Variants in FHIP1A observed in about 807,000 individuals in gnomAD.
FHIP1A encodes FHF complex subunit HOOK interacting protein 1A.
Under a neutral mutation model 88.6 loss-of-function variants are expected in FHIP1A, and 61 were observed. The observed-to-expected ratio is 0.69, with a 90% CI of 0.56 to 0.85. The LOEUF is 0.85. FHIP1A is among the 40% of genes least tolerant of loss of function. The pLI, the probability that FHIP1A is intolerant of heterozygous loss-of-function variation, is 0.00. For synonymous variants in FHIP1A, 478 were observed against 496.0 expected (o/e 0.96, Z 0.48); for missense variants, 1,154 against 1,273.5 (o/e 0.91, Z 1.43).
At chr4:151,499,298 A>G (rs1730567205) in intron 3 of FHIP1A, among the ~76,000 whole-genome samples, 1 of 152,154 alleles carries the variant, frequency 6.6e-6, no homozygotes, top group African/African-American at 2.4e-5. Context: ...TGTTCTGTCT[A>G]TGTGACTTTG....
intron 1 of FHIP1A, among the ~76,000 whole-genome samples, chr4:151,411,042 C>T (rs140848045): frequency 6.6e-6 from 1 of 152,264 alleles, no homozygotes; most frequent in Non-Finnish European, 1.5e-5. Context: ...GTCCAACTGC[C>T]CAGCTACCTT....
intron 7 of FHIP1A, among the ~76,000 whole-genome samples, chr4:151,605,340 C>A (rs1313003065): frequency 6.6e-6 from 1 of 152,094 alleles, no homozygotes; most frequent in East Asian, 1.9e-4. Context: ...GTAGAGACAT[C>A]GAGGTGAATG....
chr4:151,605,987 T>G (rs548395825), intron 7 of FHIP1A, among the ~76,000 whole-genome samples: 1 of 152,304 alleles, frequency 6.6e-6, no homozygotes, highest in South Asian at 2.1e-4. Context: ...TAAGAGCAAT[T>G]AAGTACCATC....
chr4:151,601,577 G>C (rs184262407), intron 7 of FHIP1A, among the ~76,000 whole-genome samples: 1 of 149,650 alleles, frequency 6.7e-6, no homozygotes, highest in East Asian at 2.0e-4. Context: ...CCAATGTGAC[G>C]GGTAGAAATG....
At chr4:151,460,931 T>C (rs2126599296) in intron 2 of FHIP1A, among the ~76,000 whole-genome samples, 1 of 152,296 alleles carries the variant, frequency 6.6e-6, no homozygotes, top group Admixed American at 6.5e-5. Context: ...TGTATGGCAA[T>C]GGATATGAAG....
chr4:151,642,694 G>T (rs1172392878), intron 9 of FHIP1A, among the ~76,000 whole-genome samples: 1 of 152,080 alleles, frequency 6.6e-6, no homozygotes, highest in Non-Finnish European at 1.5e-5. Flanking sequence ...TTTATGGTCA[G>T]TGTAGCATAG....
Position 151,656,682 on chromosome 4 carries a change from C to G in FHIP1A, c.2731-78C>G. The stretch of plus-strand genomic sequence containing the variant: ...CATAATAGTTCCCATAATGAGGGTG[C>G]TACCTGCAAGATATATTGATAACTG... On this transcript the variant is annotated intron_variant, in intron 12 of 13. Coordinates refer to ENST00000435205, the MANE Select transcript of FHIP1A (RefSeq NM_001109977.3). The surrounding 1 kb of genome is among the most constrained non-coding windows in gnomAD (Gnocchi z 4.2). 1.4e-6 allele frequency: 2 copies of G among 1,428,518 alleles called. No homozygotes were observed. The highest frequency in any genetic ancestry group is 1.9e-6 in the Non-Finnish European group (2 of 1,054,484). 88.5% of individuals were successfully genotyped at this position (1,428,518 alleles called of 1,614,324 possible).
chr4:151,455,377 C>T (rs1262870662), intron 2 of FHIP1A, among the ~76,000 whole-genome samples: 2 of 152,196 alleles, frequency 1.3e-5, no homozygotes, highest in African/African-American at 4.8e-5. Flanking sequence ...GAGATAACCA[C>T]TGCTGTCATT....
intron 1 of FHIP1A, among the ~76,000 whole-genome samples, chr4:151,435,290 C>T (rs935102327): frequency 6.6e-6 from 1 of 152,150 alleles, no homozygotes; most frequent in African/African-American, 2.4e-5. Flanking sequence ...CTCTCTCAGC[C>T]TCTGGTAACT....
intron 3 of FHIP1A, among the ~76,000 whole-genome samples, chr4:151,550,174 T>A (rs183728048): frequency 5.3e-5 from 8 of 152,286 alleles, no homozygotes; most frequent in Middle Eastern, 3.4e-3. Context: ...GCATGCAATG[T>A]AAAATAATCA....
chr4:151,453,122 T>A (rs1176767305), intron 1 of FHIP1A, among the ~76,000 whole-genome samples: 1 of 151,902 alleles, frequency 6.6e-6, no homozygotes, highest in Non-Finnish European at 1.5e-5. Flanking sequence ...GTTCAAGCGA[T>A]TCTCTTGTCT....
chr4:151,540,702 T>C (rs181909325), intron 3 of FHIP1A, among the ~76,000 whole-genome samples: 6 of 152,302 alleles, frequency 3.9e-5, no homozygotes, highest in Admixed American at 1.3e-4. Flanking sequence ...ATAAAAAATA[T>C]TAACAGTCAG....
chr4:151,496,716 C>CTTTTTTTTT (rs58538673), intron 3 of FHIP1A, among the ~76,000 whole-genome samples: 4,562 of 102,048 alleles, frequency 0.045, 404 homozygotes, highest in Non-Finnish European at 0.064. Context: ...CCACGTCCAG[C>CTTTTTTTTT]TTTTTTTTTT....
At chr4:151,486,043 T>G (rs1047349266) in intron 3 of FHIP1A, among the ~76,000 whole-genome samples, 13 of 152,196 alleles carry the variant, frequency 8.5e-5, no homozygotes, top group African/African-American at 2.9e-4. Context: ...GTTAGTTAGA[T>G]TCTCATAAGG....
intron 1 of FHIP1A, among the ~76,000 whole-genome samples, chr4:151,420,726 A>G (rs2724555): frequency 0.52 from 78,998 of 152,032 alleles, 20,828 homozygotes; most frequent in African/African-American, 0.55. Flanking sequence ...CACTGTTCCT[A>G]GTGTTGCTTT....
At chr4:151,547,982 T>G (rs1578737900) in intron 3 of FHIP1A, among the ~76,000 whole-genome samples, 1 of 152,074 alleles carries the variant, frequency 6.6e-6, no homozygotes, top group Non-Finnish European at 1.5e-5. Context: ...GAATCTCCCC[T>G]GTAGTCCCAT....
intron 7 of FHIP1A, among the ~76,000 whole-genome samples, chr4:151,592,794 T>C (rs1006928940): frequency 2.6e-5 from 4 of 152,230 alleles, no homozygotes; most frequent in African/African-American, 9.6e-5. Context: ...ATTTTGGCTT[T>C]TGTTGCCATT....
chr4:151,577,858 A>G lies in FHIP1A; in HGVS notation c.514A>G (p.Ile172Val). ...LVVLLNQLCSILAKDPSILEL... is the reference protein window; with the variant it reads ...LVVLLNQLCSVLAKDPSILEL... ...TGTCCTACTCAATCAGCTCTGTTCC[A>G]TTCTTGCCAAAGATCCATCCATTTT... The change falls in exon 5 of 14, where the codon ATT becomes GTT. Residue 172 changes from isoleucine to valine, a missense_variant. Physicochemically the swap from Ile to Val is conservative, Grantham distance 29 (BLOSUM62 3). Transcript: ENST00000435205. 1 of 1,551,956 alleles carries G rather than the reference A, an allele frequency of 6.4e-7. No individual in the cohort carries two copies. The highest frequency in any genetic ancestry group is 2.4e-5 in the East Asian group (1 of 40,902).
intron 3 of FHIP1A, among the ~76,000 whole-genome samples, chr4:151,535,294 G>A (rs190846464): frequency 1.3e-5 from 2 of 152,246 alleles, no homozygotes; most frequent in East Asian, 1.9e-4. Flanking sequence ...ACCCAGCCAC[G>A]AGCAGATTGG....
Sources: allele counts gnomAD v4.1 joint callset (sites outside exome capture counted in the v4.1 genomes callset), GRCh38; gene constraint gnomAD v4.1.1; non-coding constraint Gnocchi (gnomAD v3.1); transcripts MANE v1.5; gene names NCBI Gene and HGNC (gene_info 2026-07-23, HGNC 2026-07-21).